Variants in ABLIM1 observed in about 807,000 individuals in gnomAD.
The protein encoded by ABLIM1 is actin binding LIM protein 1.
In ABLIM1, 40 loss-of-function variants were observed where a neutral mutation model predicts 107.0. That is an observed-to-expected ratio of 0.37 (90% CI 0.29 to 0.49). The LOEUF (loss-of-function observed/expected upper bound fraction) is 0.49. Among genes scored for constraint, ABLIM1 ranks in the 20% least tolerant of loss-of-function variants. ABLIM1 has a pLI of 0.97. For missense variants in ABLIM1, 857 were observed against 1,008.5 expected, an observed-to-expected ratio of 0.85 and a Z score of 2.04; for synonymous variants, 357 against 357.3, an observed-to-expected ratio of 1.00 and a Z score of 0.01.
the ABLIM1 span, among the ~76,000 whole-genome samples, chr10:114,780,815 C>T: frequency 6.6e-6 from 1 of 152,122 alleles, no homozygotes; most frequent in Non-Finnish European, 1.5e-5. Context: ...AGTTTGAGCC[C>T]TTACCCCTGA....
intron 2 of ABLIM1, among the ~76,000 whole-genome samples, chr10:114,592,135 TTATATAA>T (rs1424596120): frequency 2.6e-5 from 4 of 152,150 alleles, no homozygotes; most frequent in Non-Finnish European, 5.9e-5. Flanking sequence ...CATACATAAC[TTATATAA>T]TATATAAATA....
intron 1 of ABLIM1, among the ~76,000 whole-genome samples, chr10:114,719,510 A>G (rs1242667087): frequency 6.6e-6 from 1 of 152,168 alleles, no homozygotes; most frequent in East Asian, 1.9e-4. Flanking sequence ...CACTGACCTC[A>G]CCCTCTTCAG....
At chr10:114,577,986 G>C (rs887837806) in intron 2 of ABLIM1, among the ~76,000 whole-genome samples, 1 of 152,052 alleles carries the variant, frequency 6.6e-6, no homozygotes, top group African/African-American at 2.4e-5. Context: ...TGCCTCCCCA[G>C]GCTTTACTTT....
chr10:114,790,044 T>C, the ABLIM1 span, among the ~76,000 whole-genome samples: 1 of 152,244 alleles, frequency 6.6e-6, no homozygotes, highest in Admixed American at 6.5e-5. Flanking sequence ...CCACCTGCCT[T>C]GGCCTCCCAA....
chr10:114,786,792 C>G, the ABLIM1 span, among the ~76,000 whole-genome samples: 1 of 152,228 alleles, frequency 6.6e-6, no homozygotes, highest in East Asian at 1.9e-4. Context: ...CTCCTTCACT[C>G]AGTGCTCAAT....
intron 14 of ABLIM1, 145 bp from the exon 15 acceptor site, chr10:114,448,165 T>A: frequency 3.0e-6 from 3 of 1,010,860 alleles, no homozygotes; most frequent in Non-Finnish European, 4.3e-6. Flanking sequence ...CATGGCCCAG[T>A]CACTCAGAGG....
intron 2 of ABLIM1, among the ~76,000 whole-genome samples, chr10:114,577,042 T>C (rs1378322842): frequency 6.6e-6 from 1 of 152,092 alleles, no homozygotes; most frequent in Non-Finnish European, 1.5e-5. Flanking sequence ...TTGGCCTCAT[T>C]CTGATTGCAA....
In ABLIM1 at chr10:114,657,682, C is replaced by T. The variant is rs181940247; in HGVS notation, c.244+275G>A. On this transcript the variant is annotated intron_variant, in intron 1 of 22. Transcript: ENST00000533213. The stretch of plus-strand genomic sequence containing the variant: ...GAGATCTTTCTTTTCCATCATACTT[C>T]CTATTACTGACAATTATTCATACCA... 4.6e-5 allele frequency among the ~76,000 whole-genome samples: 7 copies of T among 152,234 alleles called. No homozygotes were observed. In the East Asian group the frequency reaches 5.8e-4, roughly 13 times the overall value.
intron 12 of ABLIM1, among the ~76,000 whole-genome samples, chr10:114,457,194 T>G (rs1349088615): frequency 6.6e-6 from 1 of 152,168 alleles, no homozygotes; most frequent in African/African-American, 2.4e-5. Flanking sequence ...TTGGGCATTT[T>G]TAAAAGAAAA....
At chr10:114,485,377 G>C in intron 8 of ABLIM1, 1 of 1,611,438 alleles carries the variant, frequency 6.2e-7, no homozygotes, top group African/African-American at 1.3e-5. Flanking sequence ...CGAATGTTTG[G>C]CAGCTGCCAT....
At chr10:114,519,471 C>T (rs1462022305) in intron 6 of ABLIM1, among the ~76,000 whole-genome samples, 1 of 152,148 alleles carries the variant, frequency 6.6e-6, no homozygotes, top group African/African-American at 2.4e-5. Flanking sequence ...TTAGGCAAGG[C>T]CCCAATTATC....
intron 7 of ABLIM1, among the ~76,000 whole-genome samples, chr10:114,491,012 G>GTGTGTATA: frequency 1.1e-5 from 1 of 92,384 alleles, no homozygotes; most frequent in Non-Finnish European, 2.0e-5. Flanking sequence ...GTGTGTGTGT[G>GTGTGTATA]TATATATATA....
intron 6 of ABLIM1, among the ~76,000 whole-genome samples, chr10:114,499,337 T>A (rs2060089287): frequency 6.6e-6 from 1 of 152,258 alleles, no homozygotes; most frequent in Non-Finnish European, 1.5e-5. Context: ...TCGAGGACTA[T>A]GTGTGTAGTT....
intron 1 of ABLIM1, among the ~76,000 whole-genome samples, chr10:114,618,038 A>G (rs1032547034): frequency 6.6e-6 from 1 of 152,178 alleles, no homozygotes; most frequent in African/African-American, 2.4e-5. Context: ...CCCAACCCCT[A>G]TAGGCAAATG....
At chr10:114,445,467 G>T in intron 15 of ABLIM1, 64 bp from the exon 16 acceptor site, 1 of 1,355,374 alleles carries the variant, frequency 7.4e-7, no homozygotes, top group Non-Finnish European at 1.1e-6. Flanking sequence ...TAACGGGCTA[G>T]TCCATCTGTG....
intron 1 of ABLIM1, chr10:114,632,539 T>C (rs1219922401): frequency 1.0e-6 from 1 of 985,424 alleles, no homozygotes; most frequent in Non-Finnish European, 1.2e-6. Context: ...AAGTTCACTT[T>C]CTTATGAAAA....
intron 1 of ABLIM1, among the ~76,000 whole-genome samples, chr10:114,626,754 G>A (rs1464043604): frequency 6.6e-6 from 1 of 152,166 alleles, no homozygotes. Context: ...GCCCTATTTG[G>A]AGATAGGGTC....
At chr10:114,470,405 G>C (rs1169327524) in intron 10 of ABLIM1, among the ~76,000 whole-genome samples, 1 of 114,602 alleles carries the variant, frequency 8.7e-6, no homozygotes, top group Non-Finnish European at 1.6e-5. Context: ...CTGGGTGACA[G>C]AGTGAGACTC....
rs185144991 is a variant in ABLIM1, at chr10:114,435,895, T to A, written c.*365A>T. 25 of 171,140 alleles carry A rather than the reference T, an allele frequency of 1.5e-4. No homozygotes were observed. The highest frequency in any genetic ancestry group is 3.0e-4 in the Admixed American group (5 of 16,794). The allele number at this position is 171,140 out of a possible 1,614,324, so 10.6% of individuals were successfully genotyped here. ...GATAACCGATTTTTCCCATGCGGCA[T>A]CCTAAGGGCACTTGCCAGCTCTTAT... On this transcript the variant is annotated 3_prime_UTR_variant, in exon 23 of 23. Transcript: ENST00000533213.
Sources: gnomAD v4.1 joint callset for allele counts (sites outside exome capture counted in the v4.1 genomes callset) on GRCh38, gnomAD v4.1.1 for gene constraint, MANE v1.5 for transcripts, NCBI Gene and HGNC (gene_info 2026-07-23, HGNC 2026-07-21) for gene names.